ADCY2: variants seen among roughly 807,000 people sequenced by gnomAD.
ADCY2 encodes adenylate cyclase type 2.
In ADCY2, 31 loss-of-function variants were observed where a neutral mutation model predicts 125.2. That is an observed-to-expected ratio of 0.25 (90% confidence interval 0.19 to 0.33). The LOEUF (loss-of-function observed/expected upper bound fraction) is 0.33. ADCY2 is among the 10% of genes least tolerant of loss of function. The pLI is 1.00. For missense variants in ADCY2, 904 were observed against 1,418.2 expected (o/e 0.64, Z 5.82); for synonymous variants, 512 against 548.4 (o/e 0.93, Z 0.93).
intron 1 of ADCY2, among the ~76,000 whole-genome samples, chr5:7,404,295 CTTTG>C (rs1007438046): frequency 1.1e-4 from 17 of 152,132 alleles, no homozygotes; most frequent in Non-Finnish European, 5.9e-5. Flanking sequence ...AACCATCCCT[CTTTG>C]TTTATCTTAT....
intron 3 of ADCY2, among the ~76,000 whole-genome samples, chr5:7,594,423 T>C (rs749757747): frequency 1.3e-5 from 2 of 152,188 alleles, no homozygotes; most frequent in Non-Finnish European, 2.9e-5. Flanking sequence ...CCTTTGAAAG[T>C]AAAGGAAGTT....
At chr5:7,552,375 T>A (rs1735370343) in intron 3 of ADCY2, among the ~76,000 whole-genome samples, 2 of 152,250 alleles carry the variant, frequency 1.3e-5, no homozygotes, top group South Asian at 4.1e-4. Flanking sequence ...GTTGACAGAC[T>A]CTTTCAGCCT....
At chr5:7,458,094 G>A (rs1181750194) in intron 2 of ADCY2, among the ~76,000 whole-genome samples, 4 of 152,160 alleles carry the variant, frequency 2.6e-5, no homozygotes, top group African/African-American at 9.7e-5. Context: ...GATACTGGGG[G>A]AATGGTGGTA....
At chr5:7,725,995 G>A (rs549119870) in intron 13 of ADCY2, among the ~76,000 whole-genome samples, 9 of 152,258 alleles carry the variant, frequency 5.9e-5, no homozygotes, top group South Asian at 4.1e-4. Flanking sequence ...CAGCCTGCCC[G>A]TCAGAGCATG....
chr5:7,788,874 A>G (rs1459470419), intron 19 of ADCY2, among the ~76,000 whole-genome samples: 1 of 152,248 alleles, frequency 6.6e-6, no homozygotes, highest in African/African-American at 2.4e-5. Context: ...AGATCCATTC[A>G]AGACTATTTC....
At chr5:7,777,847 T>C (rs766657829) in intron 18 of ADCY2, among the ~76,000 whole-genome samples, 7 of 152,200 alleles carry the variant, frequency 4.6e-5, no homozygotes, top group Non-Finnish European at 7.3e-5. Flanking sequence ...AAGTAGACTT[T>C]TCAGGAGGAA....
chr5:7,726,935 C>T (rs573959046), intron 13 of ADCY2, among the ~76,000 whole-genome samples: 1 of 152,278 alleles, frequency 6.6e-6, no homozygotes, highest in African/African-American at 2.4e-5. Flanking sequence ...GGTTTGAGAA[C>T]AGTTCCACTC....
intron 3 of ADCY2, among the ~76,000 whole-genome samples, chr5:7,612,179 A>G (rs532012501): frequency 6.6e-6 from 1 of 152,348 alleles, no homozygotes; most frequent in Non-Finnish European, 1.5e-5. Context: ...CCTAGATCCT[A>G]TAAAAAGGAA....
chr5:7,782,248 A>G (rs941283081), intron 18 of ADCY2: 1 of 167,142 alleles, frequency 6.0e-6, no homozygotes, highest in Admixed American at 6.5e-5. Context: ...CCTCAGGAAG[A>G]CTCAAGATCT....
At chr5:7,453,009 G>A (rs1433732886) in intron 2 of ADCY2, among the ~76,000 whole-genome samples, 1 of 152,082 alleles carries the variant, frequency 6.6e-6, no homozygotes, top group African/African-American at 2.4e-5. Flanking sequence ...GTCCTTTGTT[G>A]GATGCAGAGT....
chr5:7,787,685 G>A (rs1744124042), intron 19 of ADCY2, among the ~76,000 whole-genome samples: 1 of 66,554 alleles, frequency 1.5e-5, no homozygotes, highest in Non-Finnish European at 3.5e-5. Context: ...TAGGTAGGTA[G>A]ATAGATAGGT....
chr5:7,529,564 T>C (rs560157216), intron 3 of ADCY2, among the ~76,000 whole-genome samples: 9 of 152,282 alleles, frequency 5.9e-5, no homozygotes, highest in African/African-American at 2.2e-4. Flanking sequence ...GAAGCGAATG[T>C]GAGAGGGTGG....
intron 4 of ADCY2, among the ~76,000 whole-genome samples, chr5:7,635,725 G>A (rs1738477063): frequency 6.6e-6 from 1 of 152,148 alleles, no homozygotes; most frequent in Admixed American, 6.5e-5. Flanking sequence ...AAGATAAAAA[G>A]GGTCCAGGAC....
At chr5:7,582,120 C>T (rs1168967986) in intron 3 of ADCY2, among the ~76,000 whole-genome samples, 1 of 152,074 alleles carries the variant, frequency 6.6e-6, no homozygotes, top group Non-Finnish European at 1.5e-5. Flanking sequence ...GTTGGAGTGG[C>T]TAGGTTAACA....
chr5:7,603,789 TTTTTTTTTTTTTTTTTTTTTCTTTTG>T (rs1561121069), intron 3 of ADCY2, among the ~76,000 whole-genome samples: 6 of 135,730 alleles, frequency 4.4e-5, no homozygotes, highest in Non-Finnish European at 7.7e-5. Context: ...TCTTTCTTTT[TTTTTTTTTTTTTTTTTTTTTCTTTTG>T]TTTTTTTTTT....
At chr5:7,511,678 G>A (rs1405241909) in intron 2 of ADCY2, among the ~76,000 whole-genome samples, 1 of 152,090 alleles carries the variant, frequency 6.6e-6, no homozygotes, top group Non-Finnish European at 1.5e-5. Flanking sequence ...CAATTGAGTG[G>A]TAAGCTTGAA....
chr5:7,708,934 A>G (rs929235161), intron 9 of ADCY2, among the ~76,000 whole-genome samples: 6 of 152,244 alleles, frequency 3.9e-5, no homozygotes, highest in African/African-American at 9.6e-5. Flanking sequence ...AGATCAGCAC[A>G]TTCTGTTTTA....
chr5:7,819,555 G>A (rs1745231054), intron 23 of ADCY2, among the ~76,000 whole-genome samples: 2 of 152,150 alleles, frequency 1.3e-5, no homozygotes, highest in South Asian at 4.1e-4. Context: ...TCCAATAACT[G>A]ATAAAGTCTA....
chr5:7,496,501 T>G (rs1191771681), intron 2 of ADCY2, among the ~76,000 whole-genome samples: 1 of 152,200 alleles, frequency 6.6e-6, no homozygotes, highest in Non-Finnish European at 1.5e-5. Flanking sequence ...ATATAATAGC[T>G]GAATGAATTC....
Sources: allele counts gnomAD v4.1 joint callset (sites outside exome capture counted in the v4.1 genomes callset), GRCh38; gene constraint gnomAD v4.1.1; transcripts MANE v1.5; gene names NCBI Gene and HGNC (gene_info 2026-07-23, HGNC 2026-07-21).